Variants in ACLY observed in about 807,000 individuals in gnomAD.
ACLY encodes ATP-citrate synthase.
A neutral mutation model predicts 133.0 loss-of-function variants in ACLY; 41 were observed. The ratio of observed to expected loss-of-function variants is 0.31; its 90% CI spans 0.24 to 0.40. ACLY has a LOEUF of 0.40. Ranked by LOEUF, ACLY falls within the 10% of genes least tolerant of loss-of-function variation. ACLY has a pLI of 1.00. For missense variants in ACLY, 1,046 were observed against 1,453.8 expected (o/e 0.72, Z 4.56); for synonymous variants, 495 against 549.3 (o/e 0.90, Z 1.38).
chr17:41,918,790 C>A, intron 1 of ACLY, 90 bp downstream of exon 1: 2 of 1,256,076 alleles, frequency 1.6e-6, no homozygotes, highest in Non-Finnish European at 2.1e-6. Context: ...GAGCCCGCGT[C>A]GGGGAAGGCG....
chr17:41,869,435 G>T, intron 26 of ACLY, 39 bp downstream of exon 26: 1 of 1,526,728 alleles, frequency 6.5e-7, no homozygotes, highest in African/African-American at 1.4e-5. Context: ...CAATAAACTT[G>T]TCCAACGTGA....
chr17:41,925,265 G>A (rs2050229343), intron 1 of ACLY, among the ~76,000 whole-genome samples: 1 of 151,248 alleles, frequency 6.6e-6, no homozygotes, highest in African/African-American at 2.4e-5. Context: ...GCGAAACTCT[G>A]TCTCAAAATA....
At chr17:41,906,851 G>A (rs1469870812) in intron 7 of ACLY, among the ~76,000 whole-genome samples, 1 of 152,184 alleles carries the variant, frequency 6.6e-6, no homozygotes, top group Non-Finnish European at 1.5e-5. Flanking sequence ...CACAGTCACT[G>A]CCTAGGGACA....
chr17:41,881,416 C>CA (rs34173466), intron 20 of ACLY, among the ~76,000 whole-genome samples: 3,778 of 38,082 alleles, frequency 0.099, 152 homozygotes, highest in Non-Finnish European at 0.13. Flanking sequence ...GACTCCGTCT[C>CA]AAAAAAAAAA....
chr17:41,875,571 GCCTGCGATT>G (rs1214447765), intron 22 of ACLY, among the ~76,000 whole-genome samples: 2 of 152,146 alleles, frequency 1.3e-5, no homozygotes, highest in Admixed American at 1.3e-4. Context: ...CCTGCCGAGT[GCCTGCGATT>G]GCAGGCGCGC....
chr17:41,883,474 A>G (rs957911272), intron 19 of ACLY, among the ~76,000 whole-genome samples: 1 of 152,162 alleles, frequency 6.6e-6, no homozygotes, highest in Admixed American at 6.6e-5. Context: ...CAGAGGTGCA[A>G]ACAAGGGATG....
At position 41,876,143 on chromosome 17, in the gene ACLY, G is replaced by A. The variant is rs1301669427; in HGVS notation, c.2487+1960C>T. On this transcript the variant is annotated intron_variant, in intron 22 of 28. Transcript: ENST00000352035. ...TGAGGAGCCCCTCCGCCCGGCAGCC[G>A]CCCCATCTGAGAAGTGAGGAGCCCC... is the stretch of plus-strand genomic sequence containing the variant. Among the ~76,000 whole-genome samples, 201 of 142,372 alleles carry A rather than the reference G, an allele frequency of 1.4e-3. 2 individuals carry two copies. The highest frequency in any genetic ancestry group is 5.0e-3 in the African/African-American group (189 of 37,788). 93.4% of individuals were successfully genotyped at this position (142,372 alleles called of 152,430 possible). A position where few individuals can be genotyped will look rare whatever the true frequency, so the allele number is the denominator to read the frequency against.
At chr17:41,880,964 T>A (rs1043870973) in intron 20 of ACLY, among the ~76,000 whole-genome samples, 5 of 151,030 alleles carry the variant, frequency 3.3e-5, no homozygotes, top group African/African-American at 1.2e-4. Context: ...GTGCTCACCC[T>A]CTTAGAAGTG....
At chr17:41,915,671 G>A (rs1166024413) in intron 1 of ACLY, among the ~76,000 whole-genome samples, 3 of 152,144 alleles carry the variant, frequency 2.0e-5, no homozygotes, top group Non-Finnish European at 2.9e-5. Context: ...TTCCTTCTCA[G>A]TATGAGTTTC....
chr17:41,880,679 G>A (rs1296110872), intron 20 of ACLY, among the ~76,000 whole-genome samples: 6 of 151,906 alleles, frequency 3.9e-5, no homozygotes, highest in African/African-American at 1.2e-4. Flanking sequence ...CCTAGCTAAC[G>A]GTGAAACCCC....
At chr17:41,915,707 C>A (rs1293954072) in intron 1 of ACLY, among the ~76,000 whole-genome samples, 1 of 152,136 alleles carries the variant, frequency 6.6e-6, no homozygotes, top group Non-Finnish European at 1.5e-5. Context: ...CACCTCACTG[C>A]CCCACGGTCC....
intron 22 of ACLY, among the ~76,000 whole-genome samples, chr17:41,875,724 G>A (rs1423028352): frequency 3.9e-5 from 6 of 152,202 alleles, no homozygotes; most frequent in Non-Finnish European, 8.8e-5. Flanking sequence ...GATTGCAGAC[G>A]GAGTCTCGTT....
chr17:41,893,049 T>C lies in ACLY; in HGVS notation c.1585A>G (p.Met529Val). ...CSRDEPSVAA[M>V]VYPFTGDHKQ... ...GTAACTCACGTGAAAGGGTAGACCA[T>C]GGCAGCCACTGAGGGCTCGTCTCGG... Residue 529 changes from methionine (M) to valine (V), a missense_variant, in exon 15 of 29, where the codon ATG (methionine) becomes GTG (valine). Physicochemically the swap from Met to Val is conservative, Grantham distance 21. Around this residue, in one of 4 missense-constraint regions of ACLY, gnomAD observed 575 missense variants for 804.2 expected, o/e 0.71. Transcript: ENST00000352035. 6.2e-7 allele frequency: 1 copy of C among 1,613,710 alleles called. No homozygotes were observed. Among genetic ancestry groups the C allele is most frequent in the Non-Finnish European group, 8.5e-7 (1 of 1,179,824 alleles).
At chr17:41,871,910 G>A (rs1407824431) in intron 24 of ACLY, 78 bp from the exon 25 acceptor site, 22 of 1,597,696 alleles carry the variant, frequency 1.4e-5, no homozygotes, top group East Asian at 6.7e-5. Flanking sequence ...AGTGTGTCCC[G>A]AACGGCCCTG....
rs781897711 is a variant in ACLY at position 41,898,781 on chromosome 17, C to T, written c.1188G>A (p.Lys396=). The change falls in exon 12 of 29, where the codon AAG becomes AAA. Residue 396 remains lysine (K), a synonymous_variant. Transcript: ENST00000352035. The stretch of plus-strand genomic sequence containing the variant: ...AGACATGGATGGGGATCCCAGTGGT[C>T]TTCCCTGCAAGGGAAGGAAAAAAAA... ...EGLRVMGEVG[K]TTGIPIHVFG... 3.1e-6 allele frequency: 5 copies of T among 1,613,338 alleles called. No individual in the cohort carries two copies. Among genetic ancestry groups the T allele is most frequent in the Non-Finnish European group, 4.2e-6 (5 of 1,179,656 alleles).
chr17:41,884,602 C>T (rs2049001841), intron 18 of ACLY, among the ~76,000 whole-genome samples: 1 of 152,052 alleles, frequency 6.6e-6, no homozygotes, highest in East Asian at 1.9e-4. Flanking sequence ...CCACAAATTC[C>T]GGCCAGGCGC....
At chr17:41,906,807 G>C (rs2049733807) in intron 7 of ACLY, among the ~76,000 whole-genome samples, 161 bp from the exon 8 acceptor site, 1 of 152,196 alleles carries the variant, frequency 6.6e-6, no homozygotes. Flanking sequence ...GAAGACACTT[G>C]ATGGTGTCTC....
At chr17:41,870,749 T>G (rs577720805) in intron 25 of ACLY, 1 of 152,340 alleles carries the variant, frequency 6.6e-6, no homozygotes, top group South Asian at 2.1e-4. Flanking sequence ...TGCCTTGATA[T>G]TGTCACTCTT....
chr17:41,894,601 C>T (rs782429930), intron 14 of ACLY, among the ~76,000 whole-genome samples: 3 of 151,312 alleles, frequency 2.0e-5, no homozygotes, highest in Non-Finnish European at 2.9e-5. Flanking sequence ...GCGATTATTA[C>T]GCATTGCACG....
Sources: gnomAD v4.1 joint callset for allele counts (sites outside exome capture counted in the v4.1 genomes callset) on GRCh38, gnomAD v4.1.1 for gene constraint, gnomAD v4.1.1 regional missense constraint, MANE v1.5 for transcripts, NCBI Gene and HGNC (gene_info 2026-07-23, HGNC 2026-07-21) for gene names.